Variants in DCC observed in about 807,000 individuals in gnomAD.
The protein encoded by DCC is netrin receptor DCC.
Under a neutral mutation model 172.5 loss-of-function variants are expected in DCC, and 58 were observed. The observed-to-expected ratio is 0.34, with a 90% CI of 0.27 to 0.42. The LOEUF is 0.42. Ranked by LOEUF, DCC falls within the 10% of genes least tolerant of loss-of-function variation. The pLI is 1.00. For missense variants in DCC, 1,740 were observed against 1,791.0 expected (o/e 0.97, Z 0.51); for synonymous variants, 709 against 644.5 (o/e 1.10, Z -1.52).
In DCC at chr18:53,239,994, CA is replaced by C. The variant is rs1209819456; in HGVS notation, c.1911+24398del. Among the ~76,000 whole-genome samples the C allele has an allele frequency of 1.1e-4, 6 of 54,796 alleles. No individual in the cohort carries two copies. In the South Asian group the frequency reaches 1.5e-3, roughly 14 times the overall value. The allele number at this position is 54,796 out of a possible 152,430, so 35.9% of individuals were successfully genotyped here. A position where few individuals can be genotyped will look rare whatever the true frequency, so the allele number is the denominator to read the frequency against. On this transcript the variant is annotated intron_variant, in intron 12 of 28. Coordinates refer to ENST00000442544, the MANE Select transcript of DCC (RefSeq NM_005215.4). Reference sequence around the variant, plus strand: ...AGAATGGTGAGAAAATATAAAAAAACATTTAGACATTCAAAATTCTAGTTCT... The same window carrying C: ...AGAATGGTGAGAAAATATAAAAAAACTTTAGACATTCAAAATTCTAGTTCT...
At chr18:53,117,024 A>T (rs575022674) in intron 7 of DCC, among the ~76,000 whole-genome samples, 2 of 151,826 alleles carry the variant, frequency 1.3e-5, no homozygotes, top group African/African-American at 4.8e-5. Flanking sequence ...TTAGATGGAA[A>T]GTTATAATCA....
chr18:53,489,109 A>G (rs2045933545), intron 26 of DCC, among the ~76,000 whole-genome samples: 1 of 152,190 alleles, frequency 6.6e-6, no homozygotes, highest in Admixed American at 6.5e-5. Flanking sequence ...TTTATTCTCT[A>G]GAAGATGTTT....
intron 5 of DCC, among the ~76,000 whole-genome samples, chr18:52,958,056 G>C (rs1365448190): frequency 2.0e-5 from 3 of 152,234 alleles, no homozygotes; most frequent in Non-Finnish European, 4.4e-5. Context: ...GGAAAATGAA[G>C]TGCAGCAGGA....
In DCC at chr18:52,895,384, G is replaced by A. The variant is rs534891447; in HGVS notation, c.413-10660G>A. 3.2e-4 allele frequency among the ~76,000 whole-genome samples: 49 copies of A among 152,120 alleles called. 1 individual carries two copies. Among genetic ancestry groups the A allele is most frequent in the Non-Finnish European group, 6.8e-4 (46 of 68,024 alleles). ...TGTATTAAGAATTTTACATGCAGAA[G>A]AATTAAAATTATTGTCAAAGCTTGT... On this transcript the variant is annotated intron_variant, in intron 2 of 28. Coordinates refer to ENST00000442544, the MANE Select transcript of DCC (RefSeq NM_005215.4).
intron 1 of DCC, among the ~76,000 whole-genome samples, chr18:52,501,155 G>A (rs2031002507): frequency 6.6e-6 from 1 of 152,076 alleles, no homozygotes; most frequent in South Asian, 2.1e-4. Flanking sequence ...TAGAGATTTT[G>A]CTCATCAGTT....
intron 7 of DCC, among the ~76,000 whole-genome samples, chr18:53,141,192 T>G (rs781740031): frequency 1.3e-5 from 2 of 152,144 alleles, no homozygotes; most frequent in Non-Finnish European, 2.9e-5. Flanking sequence ...CAAATGATGA[T>G]GAAAGTCCCT....
At chr18:53,478,765 A>C (rs2045797957) in intron 25 of DCC, among the ~76,000 whole-genome samples, 1 of 152,034 alleles carries the variant, frequency 6.6e-6, no homozygotes, top group African/African-American at 2.4e-5. Context: ...GTAGAACACA[A>C]ACAGTGACTT....
At chr18:52,705,521 A>C (rs2036192935) in intron 1 of DCC, among the ~76,000 whole-genome samples, 1 of 152,202 alleles carries the variant, frequency 6.6e-6, no homozygotes. Flanking sequence ...CTTCACCCAG[A>C]AAGAGTGGGG....
chr18:52,410,824 A>T (rs1457779524), intron 1 of DCC, among the ~76,000 whole-genome samples: 1 of 152,152 alleles, frequency 6.6e-6, no homozygotes, highest in Non-Finnish European at 1.5e-5. Flanking sequence ...TTAAAACTGA[A>T]TTCAGTGAGA....
chr18:52,449,701 T>G (rs1167104992), intron 1 of DCC, among the ~76,000 whole-genome samples: 1 of 152,202 alleles, frequency 6.6e-6, no homozygotes, highest in Non-Finnish European at 1.5e-5. Context: ...TACCTTTAAT[T>G]GTAGCCTCCA....
At chr18:52,427,278 A>G (rs1987460113) in intron 1 of DCC, among the ~76,000 whole-genome samples, 1 of 152,102 alleles carries the variant, frequency 6.6e-6, no homozygotes, top group Non-Finnish European at 1.5e-5. Context: ...GAGATCTGCT[A>G]ATGTTCGTTA....
intron 1 of DCC, among the ~76,000 whole-genome samples, chr18:52,751,433 T>C (rs537625947): frequency 1.6e-4 from 24 of 152,316 alleles, no homozygotes; most frequent in African/African-American, 5.8e-4. Flanking sequence ...TCCAAGCCCA[T>C]GAGAAACATT....
At chr18:53,527,624 T>C (rs1346488956) in intron 28 of DCC, among the ~76,000 whole-genome samples, 1 of 150,532 alleles carries the variant, frequency 6.6e-6, no homozygotes, top group Non-Finnish European at 1.5e-5. Context: ...ACTAAGGAAA[T>C]AAGCTAAAAA....
chr18:52,657,360 G>A (rs780317676), intron 1 of DCC, among the ~76,000 whole-genome samples: 3 of 152,290 alleles, frequency 2.0e-5, no homozygotes, highest in South Asian at 2.1e-4. Context: ...GCTACATTTC[G>A]CCAGTGTTAG....
At chr18:52,602,036 G>A (rs1262688902) in intron 1 of DCC, among the ~76,000 whole-genome samples, 2 of 152,004 alleles carry the variant, frequency 1.3e-5, no homozygotes, top group Non-Finnish European at 2.9e-5. Flanking sequence ...GAAATTAAAG[G>A]TAAGGGAGCA....
chr18:53,324,465 G>C (rs2057445607), intron 14 of DCC, among the ~76,000 whole-genome samples: 1 of 140,494 alleles, frequency 7.1e-6, no homozygotes, highest in South Asian at 2.2e-4. Flanking sequence ...CTCTGAAGAA[G>C]CATGGTAGAG....
chr18:53,222,184 T>C (rs2055943877), intron 12 of DCC, among the ~76,000 whole-genome samples: 1 of 152,152 alleles, frequency 6.6e-6, no homozygotes, highest in Admixed American at 6.5e-5. Context: ...AATTATTGGA[T>C]AACTAGTTTT....
chr18:53,525,530 C>A (rs2046445113), intron 27 of DCC, among the ~76,000 whole-genome samples: 1 of 151,998 alleles, frequency 6.6e-6, no homozygotes, highest in South Asian at 2.1e-4. Flanking sequence ...TTTCTAGTGA[C>A]CAGCACCTAG....
Position 53,046,726 on chromosome 18 carries a change from G to A in DCC, c.986-16579G>A, listed in dbSNP as rs141464627. 2.2e-3 allele frequency among the ~76,000 whole-genome samples: 334 copies of A among 152,010 alleles called. 1 individual carries two copies. Among genetic ancestry groups the A allele is most frequent in the African/African-American group, 7.8e-3 (325 of 41,518 alleles). ...TTCTCAATTTACAAAGTAAGAAACT[G>A]AAGTCAAGAAAAGTTCAGTGACTTG... On this transcript the variant is annotated intron_variant, in intron 5 of 28. Coordinates refer to ENST00000442544, the MANE Select transcript of DCC (RefSeq NM_005215.4).
Sources: allele counts gnomAD v4.1 joint callset (sites outside exome capture counted in the v4.1 genomes callset), GRCh38; gene constraint gnomAD v4.1.1; transcripts MANE v1.5; gene names NCBI Gene and HGNC (gene_info 2026-07-23, HGNC 2026-07-21).